Variants in REPS1 observed in about 807,000 individuals in gnomAD.
REPS1 encodes the protein RALBP1 associated Eps domain containing 1.
REPS1 carries 39 observed loss-of-function variants against 100.9 expected under a neutral mutation model. That is an observed-to-expected ratio of 0.39 (90% CI 0.30 to 0.50). The LOEUF (loss-of-function observed/expected upper bound fraction) is 0.50, where lower values mean the gene tolerates loss of function less well. REPS1 is among the 20% of genes least tolerant of loss of function. The probability of loss-of-function intolerance (pLI) is 0.86; values close to 1 mark genes in which losing one functional copy is unlikely to be tolerated. For synonymous variants in REPS1, 324 were observed against 340.3 expected (o/e 0.95, Z 0.53); for missense variants, 821 against 968.5 (o/e 0.85, Z 2.02).
intron 8 of REPS1, among the ~76,000 whole-genome samples, chr6:138,938,029 A>G (rs998782818): frequency 3.9e-5 from 6 of 152,044 alleles, no homozygotes; most frequent in Non-Finnish European, 7.4e-5. Context: ...AAGAAGACAA[A>G]CATTCTTAAA....
chr6:138,940,634 A>G (rs777698248), intron 8 of REPS1, among the ~76,000 whole-genome samples: 2 of 151,904 alleles, frequency 1.3e-5, no homozygotes, highest in African/African-American at 2.4e-5. Flanking sequence ...AGTCCCATCT[A>G]CTTAAGGAGG....
In REPS1 at chr6:138,922,334, C is replaced by T. The variant is rs528855247; in HGVS notation, c.1339-1210G>A. On this transcript the variant is annotated intron_variant, in intron 10 of 19. Coordinates refer to ENST00000450536, the MANE Select transcript of REPS1 (RefSeq NM_001286611.2). ...AGCATGAAACTGCCACAAAGGAATC[C>T]ATTTTTTTTAAGAGGAACAAGACTC... 4.6e-5 allele frequency among the ~76,000 whole-genome samples: 7 copies of T among 152,176 alleles called. 1 individual carries two copies. The highest frequency in any genetic ancestry group is 1.7e-4 in the African/African-American group (7 of 41,534).
intron 8 of REPS1, among the ~76,000 whole-genome samples, chr6:138,935,856 C>T (rs889781661): frequency 1.8e-3 from 4 of 2,196 alleles, no homozygotes; most frequent in Admixed American, 0.018. Context: ...TCCATCTTGG[C>T]GGGGGGGGGG....
chr6:138,954,398 G>T (rs1783242151), intron 1 of REPS1, among the ~76,000 whole-genome samples: 1 of 151,526 alleles, frequency 6.6e-6, no homozygotes, highest in Admixed American at 6.6e-5. Context: ...ACTATACATT[G>T]TATTAGGGGT....
chr6:138,983,130 C>T (rs191419523), intron 1 of REPS1, among the ~76,000 whole-genome samples: 42 of 152,228 alleles, frequency 2.8e-4, no homozygotes, highest in African/African-American at 4.8e-5. Context: ...GGGAGAGATA[C>T]GAATATTCAC....
intron 10 of REPS1, among the ~76,000 whole-genome samples, chr6:138,925,965 T>C (rs900979707): frequency 1.3e-5 from 2 of 152,114 alleles, no homozygotes; most frequent in Non-Finnish European, 2.9e-5. Context: ...ACTAATTAAA[T>C]AAAAGCCATG....
intron 17 of REPS1, 127 bp downstream of exon 17, chr6:138,911,149 G>A (rs1384536694): frequency 6.2e-6 from 4 of 645,440 alleles, no homozygotes; most frequent in East Asian, 2.8e-5. Context: ...TTCTGAGCTA[G>A]ACTGACTATA....
intron 8 of REPS1, among the ~76,000 whole-genome samples, chr6:138,937,490 A>C (rs938592950): frequency 2.0e-5 from 3 of 151,978 alleles, no homozygotes; most frequent in Admixed American, 6.6e-5. Flanking sequence ...CTCTTCATGG[A>C]AAGTCTTCAT....
Position 138,963,918 on chromosome 6 carries a change from A to G in REPS1, c.154-16005T>C, listed in dbSNP as rs142685198. ...TCATAAGCCATGTATATATTCCTCA[A>G]TGACTCTTGCTATGCCTTACTGACC... is the stretch of plus-strand genomic sequence containing the variant. On this transcript the variant is annotated intron_variant, in intron 1 of 19. Coordinates refer to ENST00000450536, the MANE Select transcript of REPS1 (RefSeq NM_001286611.2). Among the ~76,000 whole-genome samples, 444 of 152,312 alleles carry G rather than the reference A, an allele frequency of 2.9e-3. 1 individual carries two copies. Among genetic ancestry groups the G allele is most frequent in the African/African-American group, 0.01 (421 of 41,556 alleles).
chr6:138,907,995 A>G (rs1315495312), intron 18 of REPS1, among the ~76,000 whole-genome samples: 1 of 152,114 alleles, frequency 6.6e-6, no homozygotes, highest in Non-Finnish European at 1.5e-5. Flanking sequence ...CTTCTACAAA[A>G]AAGAAAAAGT....
At chr6:138,957,543 C>T (rs1783470304) in intron 1 of REPS1, among the ~76,000 whole-genome samples, 1 of 152,118 alleles carries the variant, frequency 6.6e-6, no homozygotes, top group African/African-American at 2.4e-5. Flanking sequence ...TGTCATTCAG[C>T]AAAGTGTGAA....
intron 1 of REPS1, 72 bp downstream of exon 1, chr6:138,987,458 C>T (rs1582881167): frequency 1.5e-6 from 2 of 1,363,408 alleles, no homozygotes; most frequent in African/African-American, 1.5e-5. Context: ...AAGGAATCGG[C>T]GCCCACTCCC....
chr6:138,935,870 G>GGGGGGGGGT (rs1781795796), intron 8 of REPS1, among the ~76,000 whole-genome samples: 1 of 11,948 alleles, frequency 8.4e-5, no homozygotes. Flanking sequence ...GGGGGGGGGC[G>GGGGGGGGGT]CGGGGGAGTG....
chr6:138,906,129 A>C (rs1779634950), intron 19 of REPS1, among the ~76,000 whole-genome samples: 1 of 152,242 alleles, frequency 6.6e-6, no homozygotes, highest in Non-Finnish European at 1.5e-5. Context: ...TCATGGTATT[A>C]TACTACTAAG....
Position 138,947,035 on chromosome 6 carries a change from G to GCGCT in REPS1, c.277+754_277+755insAGCG, listed in dbSNP as rs1554292163. On this transcript the variant is annotated intron_variant, in intron 2 of 19. Coordinates refer to ENST00000450536, the MANE Select transcript of REPS1 (RefSeq NM_001286611.2). ...TAAATGTCTGTGGCTATTCCCCCTT[G>GCGCT]CTCTCTCTCTCTCTCTCTCTCTCTC... Among the ~76,000 whole-genome samples, 6 of 137,718 alleles carry GCGCT rather than the reference G, an allele frequency of 4.4e-5. No individual in the cohort carries two copies. In the South Asian group the frequency reaches 7.7e-4, roughly 18 times the overall value. 90.3% of individuals were successfully genotyped at this position (137,718 alleles called of 152,430 possible). A position where few individuals can be genotyped will look rare whatever the true frequency, so the allele number is the denominator to read the frequency against.
At chr6:138,907,313 AGT>A (rs6149828) in intron 19 of REPS1, 180 bp downstream of exon 19, 35,135 of 133,690 alleles carry the variant, frequency 0.26, 3,921 homozygotes, top group African/African-American at 0.36. Context: ...AAAAAAAAAA[AGT>A]GTGTGTGTGT....
At chr6:138,945,835 C>T in intron 2 of REPS1, 138 bp from the exon 3 acceptor site, 3 of 661,078 alleles carry the variant, frequency 4.5e-6, no homozygotes, top group South Asian at 2.6e-5. Context: ...TCTATCACCA[C>T]AAAATTTGGA....
chr6:138,943,865 C>T lies in REPS1; in HGVS notation c.904G>A (p.Gly302Arg). The T allele has an allele frequency of 2.5e-6, 4 of 1,612,250 alleles. No homozygotes were observed. The highest frequency in any genetic ancestry group is 3.4e-6 in the Non-Finnish European group (4 of 1,179,290). Residue 302 changes from glycine to arginine, a missense_variant, in exon 6 of 20, where the codon GGA (glycine) becomes AGA (arginine). Coordinates refer to ENST00000450536, the MANE Select transcript of REPS1 (RefSeq NM_001286611.2). ...TTCAACAACTCACCTGGAATAAATC[C>T]GTTTAGATCAGGCTGAATGGTTTTA... Reference protein sequence around the residue: ...QFKTIQPDLNGFIPGSAAKEF... With the variant: ...QFKTIQPDLNRFIPGSAAKEF...
intron 19 of REPS1, among the ~76,000 whole-genome samples, chr6:138,905,459 T>G (rs1039720352): frequency 3.4e-5 from 5 of 145,416 alleles, no homozygotes; most frequent in African/African-American, 1.0e-4. Context: ...GCCCGGCTAA[T>G]TTTTTGTATT....
Sources: allele counts gnomAD v4.1 joint callset (sites outside exome capture counted in the v4.1 genomes callset), GRCh38; gene constraint gnomAD v4.1.1; transcripts MANE v1.5; gene names NCBI Gene and HGNC (gene_info 2026-07-23, HGNC 2026-07-21).